The following PTPRD variants were observed in gnomAD, a reference collection of about 807,000 sequenced individuals.
PTPRD encodes receptor-type tyrosine-protein phosphatase delta.
PTPRD carries 34 observed loss-of-function variants against 214.5 expected under a neutral mutation model. The observed-to-expected ratio is 0.16, with a 90% confidence interval of 0.12 to 0.21. PTPRD has a LOEUF of 0.21. PTPRD is among the 10% of genes least tolerant of loss of function. PTPRD has a pLI of 1.00. For synonymous variants in PTPRD, 1,128 were observed against 845.7 expected, an observed-to-expected ratio of 1.33 and a Z score of -5.79; for missense variants, 2,545 against 2,398.7, an observed-to-expected ratio of 1.06 and a Z score of -1.27.
In PTPRD at chr9:8,498,881, C is replaced by A. The variant is rs556492010; in HGVS notation, c.2322+766G>T. 2.6e-5 allele frequency among the ~76,000 whole-genome samples: 4 copies of A among 152,212 alleles called. No homozygotes were observed. In the East Asian group the frequency reaches 7.7e-4, roughly 29 times the overall value. On this transcript the variant is annotated intron_variant, in intron 25 of 45. Transcript: ENST00000381196. ...ATTTATTATGGGACTATCTTTGAAT[C>A]ACCTCTAATTTATGAAAAATTTTGG...
At chr9:8,857,546 G>C (rs562550293) in intron 11 of PTPRD, 3 of 152,516 alleles carry the variant, frequency 2.0e-5, no homozygotes, top group African/African-American at 7.2e-5. Flanking sequence ...GGCTCGGGAG[G>C]CGCCGGCAGC....
chr9:9,276,694 C>G (rs979541218), intron 9 of PTPRD, among the ~76,000 whole-genome samples: 1 of 151,308 alleles, frequency 6.6e-6, no homozygotes, highest in Admixed American at 6.6e-5. Context: ...TCTCATGGAG[C>G]AGAAGTTTCT....
intron 11 of PTPRD, among the ~76,000 whole-genome samples, chr9:8,968,557 T>A (rs1376449801): frequency 6.6e-6 from 1 of 152,090 alleles, no homozygotes; most frequent in African/African-American, 2.4e-5. Flanking sequence ...TCAGTGTTAT[T>A]TATGTATTAC....
rs2092805225 is a variant in PTPRD at position 9,455,138 on chromosome 9, TGTG to T, written c.-236-57659_-236-57657del. Among the ~76,000 whole-genome samples the T allele has an allele frequency of 2.0e-5, 3 of 151,688 alleles. No homozygotes were observed. In the South Asian group the frequency reaches 6.2e-4, roughly 31 times the overall value. ...TCCTTAAAAGTTTTACTTTCATAAA[TGTG>T]GTAACATCTGGTGGTAGCATAGATG... On this transcript the variant is annotated intron_variant, in intron 8 of 45. Coordinates refer to ENST00000381196, the MANE Select transcript of PTPRD (RefSeq NM_002839.4).
intron 2 of PTPRD, among the ~76,000 whole-genome samples, chr9:10,536,533 T>A (rs987776571): frequency 6.6e-6 from 1 of 152,166 alleles, no homozygotes; most frequent in African/African-American, 2.4e-5. Context: ...CTATTAGGAA[T>A]TGGATCTGTT....
chr9:9,138,826 C>T (rs1161420713), intron 10 of PTPRD, among the ~76,000 whole-genome samples: 1 of 151,846 alleles, frequency 6.6e-6, no homozygotes, highest in African/African-American at 2.4e-5. Context: ...AAAAAATGAA[C>T]AAATTAGGCC....
chr9:9,821,920 T>C (rs1598780363), intron 5 of PTPRD, among the ~76,000 whole-genome samples: 1 of 149,146 alleles, frequency 6.7e-6, no homozygotes, highest in East Asian at 1.9e-4. Context: ...TTATGACATA[T>C]ATATTTATAA....
chr9:9,154,398 T>C lies in PTPRD; in HGVS notation c.-143+28906A>G, dbSNP rs540217041. Among the ~76,000 whole-genome samples, 375 of 152,216 alleles carry C rather than the reference T, an allele frequency of 2.5e-3. 2 individuals carry two copies. The highest frequency in any genetic ancestry group is 6.8e-3 in the Middle Eastern group (2 of 294). On this transcript the variant is annotated intron_variant, in intron 10 of 45. Transcript: ENST00000381196. ...AAAGTTGCTGAAAGGGTTTGGTTCC[T>C]GGTGTAGGCTCTCTTTCTGGCTTGC...
intron 3 of PTPRD, among the ~76,000 whole-genome samples, chr9:10,090,097 T>G (rs2098410885): frequency 6.6e-6 from 1 of 151,656 alleles, no homozygotes; most frequent in African/African-American, 2.4e-5. Context: ...AATATACTTC[T>G]CACTAAAACT....
chr9:9,347,441 T>G (rs2049299310), intron 9 of PTPRD, among the ~76,000 whole-genome samples: 1 of 152,020 alleles, frequency 6.6e-6, no homozygotes, highest in Admixed American at 6.6e-5. Flanking sequence ...CCCTTCAATG[T>G]TACATTGTTA....
rs1210947723 is a variant in PTPRD, at chr9:9,723,161, A to G, written c.-287+11372T>C. Among the ~76,000 whole-genome samples the G allele has an allele frequency of 2.0e-5, 3 of 151,992 alleles. No homozygotes were observed. In the East Asian group the frequency reaches 5.8e-4, roughly 29 times the overall value. On this transcript the variant is annotated intron_variant, in intron 7 of 45. Transcript: ENST00000381196. ...AGAATTTTATAGTTTTGCCTTTTAT[A>G]TTTAGGCCTGTGATCTATTTTGAGT...
At chr9:9,092,311 G>A (rs967414068) in intron 10 of PTPRD, among the ~76,000 whole-genome samples, 1 of 152,064 alleles carries the variant, frequency 6.6e-6, no homozygotes, top group Admixed American at 6.5e-5. Flanking sequence ...TCCTGGTACT[G>A]ATTTCTATAC....
At chr9:10,361,091 C>T (rs2097378633) in intron 2 of PTPRD, among the ~76,000 whole-genome samples, 1 of 152,122 alleles carries the variant, frequency 6.6e-6, no homozygotes, top group African/African-American at 2.4e-5. Context: ...GACAGCGAGA[C>T]TCTGTCTCAA....
chr9:8,366,218 G>A (rs1300604403), intron 39 of PTPRD, among the ~76,000 whole-genome samples: 1 of 152,114 alleles, frequency 6.6e-6, no homozygotes, highest in East Asian at 1.9e-4. Flanking sequence ...AAGAGCAAGT[G>A]GCTGTTTACC....
chr9:10,193,088 GTCAATTTCCAGATTTT>G (rs1273200111), intron 3 of PTPRD, among the ~76,000 whole-genome samples: 3 of 152,078 alleles, frequency 2.0e-5, no homozygotes, highest in African/African-American at 7.2e-5. Context: ...AAATAGCTTT[GTCAATTTCCAGATTTT>G]TCAATTTCCC....
chr9:8,586,525 G>A (rs1478105743), intron 14 of PTPRD, among the ~76,000 whole-genome samples: 2 of 152,048 alleles, frequency 1.3e-5, no homozygotes, highest in Non-Finnish European at 2.9e-5. Flanking sequence ...ATCAAAAAAA[G>A]GGAACCTAAC....
intron 11 of PTPRD, among the ~76,000 whole-genome samples, chr9:8,753,927 C>A (rs967933356): frequency 2.6e-5 from 4 of 151,912 alleles, no homozygotes; most frequent in African/African-American, 9.7e-5. Flanking sequence ...GTTGGATCAC[C>A]TGAGGTCAGG....
At chr9:8,532,811 A>G (rs189455308) in intron 14 of PTPRD, among the ~76,000 whole-genome samples, 28 of 152,138 alleles carry the variant, frequency 1.8e-4, no homozygotes, top group Admixed American at 1.6e-3. Context: ...TTGGAATGGC[A>G]GCTATAATAG....
At position 10,395,954 on chromosome 9, in the gene PTPRD, T is replaced by TGAGA. The variant is rs368100918; in HGVS notation, c.-599-54941_-599-54938dup. Among the ~76,000 whole-genome samples the TGAGA allele has an allele frequency of 3.6e-3, 478 of 134,374 alleles. 4 individuals carry two copies. Among genetic ancestry groups the TGAGA allele is most frequent in the African/African-American group, 0.011 (398 of 36,650 alleles). The allele number at this position is 134,374 out of a possible 152,430, so 88.2% of individuals were successfully genotyped here. ...AAGCCACAGAGGGACATAGAGAGAA[T>TGAGA]GAGAGAGAGAGAGAGAGAGAGAGAG... On this transcript the variant is annotated intron_variant, in intron 2 of 45. Coordinates refer to ENST00000381196, the MANE Select transcript of PTPRD (RefSeq NM_002839.4).
Sources: allele counts gnomAD v4.1 joint callset (sites outside exome capture counted in the v4.1 genomes callset), GRCh38; gene constraint gnomAD v4.1.1; transcripts MANE v1.5; gene names NCBI Gene and HGNC (gene_info 2026-07-23, HGNC 2026-07-21).